The following SCAMP1 variants were observed in gnomAD, a reference collection of about 807,000 sequenced individuals.
SCAMP1 encodes the protein secretory carrier-associated membrane protein 1.
In SCAMP1, 15 loss-of-function variants were observed where a neutral mutation model predicts 41.8. The ratio of observed to expected loss-of-function variants is 0.36; its 90% confidence interval spans 0.24 to 0.55. The LOEUF (loss-of-function observed/expected upper bound fraction) is 0.55, where lower values mean the gene tolerates loss of function less well. SCAMP1 is among the 20% of genes least tolerant of loss of function. The pLI is 0.86. For missense variants in SCAMP1, 341 were observed against 412.6 expected (o/e 0.83, Z 1.50); for synonymous variants, 135 against 136.8 (o/e 0.99, Z 0.09).
At chr5:78,421,380 G>A (rs1404595960) in intron 5 of SCAMP1, among the ~76,000 whole-genome samples, 2 of 152,186 alleles carry the variant, frequency 1.3e-5, no homozygotes, top group Admixed American at 6.5e-5. Context: ...TTTTAGTCCA[G>A]TGTTTAGTCT....
chr5:78,447,803 TTCCTCCTCCC>T (rs1312125024), intron 6 of SCAMP1, among the ~76,000 whole-genome samples: 1 of 135,898 alleles, frequency 7.4e-6, no homozygotes, highest in Admixed American at 7.3e-5. Context: ...CTTCTTCTTC[TTCCTCCTCCC>T]TCCTCCCCCT....
intron 2 of SCAMP1, among the ~76,000 whole-genome samples, chr5:78,394,884 T>G (rs771054925): frequency 6.6e-6 from 1 of 152,260 alleles, no homozygotes; most frequent in Non-Finnish European, 1.5e-5. Flanking sequence ...TGCCACATCC[T>G]GTCACTTATA....
chr5:78,392,674 A>G (rs1413802192), intron 2 of SCAMP1, among the ~76,000 whole-genome samples: 2 of 152,240 alleles, frequency 1.3e-5, no homozygotes, highest in Admixed American at 6.5e-5. Flanking sequence ...GAACAGTGAT[A>G]TGGTGTCAGA....
At chr5:78,425,073 G>C (rs758841442) in intron 6 of SCAMP1, among the ~76,000 whole-genome samples, 2 of 152,248 alleles carry the variant, frequency 1.3e-5, no homozygotes, top group African/African-American at 2.4e-5. Flanking sequence ...AATGGTAGCT[G>C]TAATTAATTT....
At position 78,479,440 on chromosome 5, in the gene SCAMP1, A is replaced by G. The variant is rs1461519762; in HGVS notation, c.*3772A>G. On this transcript the variant is annotated 3_prime_UTR_variant, in exon 9 of 9. Transcript: ENST00000621999. ...ATTGAGCTAAAAAGTTTTATCTCAC[A>G]TATTAAGTATTACAGAAAGTGAAGT... Among the ~76,000 whole-genome samples the G allele has an allele frequency of 6.6e-6, 1 of 152,218 alleles. No homozygotes were observed. Among genetic ancestry groups the G allele is most frequent in the African/African-American group, 2.4e-5 (1 of 41,464 alleles).
At chr5:78,434,587 A>C (rs182952720) in intron 6 of SCAMP1, among the ~76,000 whole-genome samples, 56 of 152,002 alleles carry the variant, frequency 3.7e-4, no homozygotes, top group African/African-American at 1.4e-3. Flanking sequence ...AAGTTTTAAA[A>C]GCACTTTAGT....
intron 1 of SCAMP1, among the ~76,000 whole-genome samples, chr5:78,373,846 T>C (rs1451660052): frequency 6.6e-6 from 1 of 152,160 alleles, no homozygotes. Flanking sequence ...GTGGACCTAA[T>C]GGTATAATTT....
At chr5:78,423,278 A>G (rs1752385244) in intron 6 of SCAMP1, among the ~76,000 whole-genome samples, 1 of 152,120 alleles carries the variant, frequency 6.6e-6, no homozygotes, top group Non-Finnish European at 1.5e-5. Flanking sequence ...AATATGGGAG[A>G]TTGGTTGCCA....
chr5:78,404,822 G>C (rs1406520141), intron 2 of SCAMP1, among the ~76,000 whole-genome samples: 1 of 152,162 alleles, frequency 6.6e-6, no homozygotes, highest in African/African-American at 2.4e-5. Flanking sequence ...CCACTTGTTA[G>C]AAGAAGGAGG....
chr5:78,441,260 C>T (rs1323363120), intron 6 of SCAMP1, among the ~76,000 whole-genome samples: 1 of 152,196 alleles, frequency 6.6e-6, no homozygotes. Flanking sequence ...GTTGGAAATG[C>T]AGAAATCATC....
chr5:78,374,944 G>T (rs1461280209), intron 1 of SCAMP1, among the ~76,000 whole-genome samples: 1 of 152,078 alleles, frequency 6.6e-6, no homozygotes, highest in Non-Finnish European at 1.5e-5. Context: ...TTGTCTTAGA[G>T]TCTTGTTGAG....
At chr5:78,391,100 C>T (rs1383289246) in intron 2 of SCAMP1, among the ~76,000 whole-genome samples, 1 of 47,172 alleles carries the variant, frequency 2.1e-5, no homozygotes, top group Non-Finnish European at 5.8e-5. Context: ...CTTTTCCCCA[C>T]CTTTCCCCCC....
At chr5:78,416,868 C>T (rs1416586813) in intron 4 of SCAMP1, among the ~76,000 whole-genome samples, 1 of 152,094 alleles carries the variant, frequency 6.6e-6, no homozygotes, top group Admixed American at 6.5e-5. Flanking sequence ...ACAGTGTTAG[C>T]CTCATCACAC....
At chr5:78,422,289 C>A (rs932789167) in intron 6 of SCAMP1, among the ~76,000 whole-genome samples, 1 of 148,192 alleles carries the variant, frequency 6.7e-6, no homozygotes, top group Non-Finnish European at 1.5e-5. Flanking sequence ...ACCCCACCTC[C>A]CAAATCAAAA....
chr5:78,443,653 C>CTTTTTTTTTTTTT (rs71613955), intron 6 of SCAMP1, among the ~76,000 whole-genome samples: 3 of 71,960 alleles, frequency 4.2e-5, no homozygotes, highest in African/African-American at 1.2e-4. Context: ...AGTGGTTTTG[C>CTTTTTTTTTTTTT]TTTTTTTTTT....
chr5:78,468,947 A>G (rs1753808166), intron 8 of SCAMP1, among the ~76,000 whole-genome samples: 1 of 152,182 alleles, frequency 6.6e-6, no homozygotes, highest in Non-Finnish European at 1.5e-5. Flanking sequence ...CCACACATCC[A>G]TATACCAAAT....
chr5:78,459,157 A>G (rs747350863), intron 7 of SCAMP1, 88 bp from the exon 8 acceptor site: 14 of 702,558 alleles, frequency 2.0e-5, no homozygotes, highest in African/African-American at 3.6e-5. Flanking sequence ...TGCCTGGCTG[A>G]TAAGTGTTGA....
chr5:78,423,014 GCGCACACACACACACACACA>G (rs1205256560), intron 6 of SCAMP1, among the ~76,000 whole-genome samples: 1 of 9,716 alleles, frequency 1.0e-4, no homozygotes, highest in Non-Finnish European at 2.6e-4. Flanking sequence ...ACACGCGCGC[GCGCACACACACACACACACA>G]CACACACACA....
chr5:78,457,483 C>A (rs1308074244), intron 7 of SCAMP1, among the ~76,000 whole-genome samples: 2 of 152,114 alleles, frequency 1.3e-5, no homozygotes, highest in Non-Finnish European at 2.9e-5. Flanking sequence ...GGGTGCCTCC[C>A]AGTTAGGCTG....
Sources: gnomAD v4.1 joint callset for allele counts (sites outside exome capture counted in the v4.1 genomes callset) on GRCh38, gnomAD v4.1.1 for gene constraint, MANE v1.5 for transcripts, NCBI Gene and HGNC (gene_info 2026-07-23, HGNC 2026-07-21) for gene names.